Variants in SMYD3 observed in about 807,000 individuals in gnomAD.
SMYD3 encodes the protein histone-lysine N-methyltransferase SMYD3.
SMYD3 carries 36 observed loss-of-function variants against 57.7 expected under a neutral mutation model. The observed-to-expected ratio is 0.62, with a 90% CI of 0.48 to 0.82. SMYD3 has a LOEUF of 0.82. Among genes scored for constraint, SMYD3 ranks in the 40% least tolerant of loss-of-function variants. SMYD3 has a pLI of 0.00. For synonymous variants in SMYD3, 211 were observed against 195.0 expected (o/e 1.08, Z -0.68); for missense variants, 515 against 538.8 (o/e 0.96, Z 0.44).
intron 5 of SMYD3, among the ~76,000 whole-genome samples, chr1:246,197,953 T>C (rs893565218): frequency 1.3e-5 from 2 of 152,198 alleles, no homozygotes; most frequent in Non-Finnish European, 2.9e-5. Context: ...TTGTTTGCCA[T>C]TGTAATTGTG....
rs563322599 is a variant in SMYD3 at position 245,871,966 on chromosome 1, C to T, written c.814-8080G>A. ...TATGCTGTGACCCCACATCTCTGCA[C>T]ATCCCATTCCCTTTGCCGGGAAGGC... On this transcript the variant is annotated intron_variant, in intron 8 of 11. Coordinates refer to ENST00000490107, the MANE Select transcript of SMYD3 (RefSeq NM_001167740.2). 3.7e-4 allele frequency among the ~76,000 whole-genome samples: 56 copies of T among 152,296 alleles called. No homozygotes were observed. In the South Asian group the frequency reaches 0.012, roughly 32 times the overall value.
At chr1:246,506,999 C>CCCCCCCCCCCCCCCA in intron 1 of SMYD3, 55 bp downstream of exon 1, 1 of 972,790 alleles carries the variant, frequency 1.0e-6, no homozygotes, top group Non-Finnish European at 1.3e-6. Flanking sequence ...GCCCCCCCCT[C>CCCCCCCCCCCCCCCA]CCCAGCACCC....
intron 1 of SMYD3, among the ~76,000 whole-genome samples, chr1:246,461,710 G>A (rs2067800292): frequency 6.8e-6 from 1 of 146,578 alleles, no homozygotes; most frequent in Non-Finnish European, 1.5e-5. Flanking sequence ...CTCCAGCCTG[G>A]GCAACAGAAC....
In SMYD3 at chr1:246,040,146, T is replaced by C. The variant is rs76680315; in HGVS notation, c.532-110209A>G. Reference sequence around the variant, plus strand: ...ATTCACTTTTCAAATAGCTGTATTCTAACACGTGGTTTGCAATTAATATTG... The same window carrying C: ...ATTCACTTTTCAAATAGCTGTATTCCAACACGTGGTTTGCAATTAATATTG... On this transcript the variant is annotated intron_variant, in intron 5 of 11. Coordinates refer to ENST00000490107, the MANE Select transcript of SMYD3 (RefSeq NM_001167740.2). 2.7e-3 allele frequency among the ~76,000 whole-genome samples: 410 copies of C among 152,348 alleles called. 2 individuals are homozygous for C. Among genetic ancestry groups the C allele is most frequent in the African/African-American group, 9.1e-3 (379 of 41,582 alleles).
intron 5 of SMYD3, among the ~76,000 whole-genome samples, chr1:246,133,768 G>C (rs972141103): frequency 2.6e-5 from 4 of 152,080 alleles, no homozygotes; most frequent in African/African-American, 4.8e-5. Flanking sequence ...ATGCACACAC[G>C]CTCAATGAAC....
At chr1:246,293,699 C>T (rs1321121073) in intron 5 of SMYD3, among the ~76,000 whole-genome samples, 1 of 152,138 alleles carries the variant, frequency 6.6e-6, no homozygotes, top group Non-Finnish European at 1.5e-5. Flanking sequence ...CATTAATAAC[C>T]CTTTTGCCCA....
chr1:246,403,634 T>C (rs2102972605), intron 1 of SMYD3, among the ~76,000 whole-genome samples: 1 of 152,296 alleles, frequency 6.6e-6, no homozygotes, highest in Admixed American at 6.5e-5. Context: ...GGTAAGAACA[T>C]TTAACTAGGA....
chr1:245,862,560 C>T (rs747043830), intron 9 of SMYD3, among the ~76,000 whole-genome samples: 3 of 152,064 alleles, frequency 2.0e-5, no homozygotes, highest in South Asian at 2.1e-4. Flanking sequence ...TCCCCATCTA[C>T]GTCACTTTGG....
At chr1:245,878,115 G>A (rs773538074) in intron 8 of SMYD3, among the ~76,000 whole-genome samples, 1 of 152,166 alleles carries the variant, frequency 6.6e-6, no homozygotes, top group African/African-American at 2.4e-5. Context: ...GGGGCTCACC[G>A]ATGACATCAG....
At chr1:245,920,975 G>C (rs1277446372) in intron 7 of SMYD3, among the ~76,000 whole-genome samples, 1 of 152,148 alleles carries the variant, frequency 6.6e-6, no homozygotes, top group Non-Finnish European at 1.5e-5. Context: ...CACAGCAAGA[G>C]AAACTATCAA....
At chr1:246,264,403 A>G (rs772717905) in intron 5 of SMYD3, among the ~76,000 whole-genome samples, 13 of 152,332 alleles carry the variant, frequency 8.5e-5, no homozygotes, top group Non-Finnish European at 1.9e-4. Context: ...TAATCCCAGC[A>G]TTTTGGGAAG....
chr1:246,056,797 G>C lies in SMYD3; in HGVS notation c.532-126860C>G, dbSNP rs1029966566. Among the ~76,000 whole-genome samples, 3 of 152,050 alleles carry C rather than the reference G, an allele frequency of 2.0e-5. No individual in the cohort carries two copies. The South Asian group carries it at 6.2e-4, about 32-fold the overall frequency. On this transcript the variant is annotated intron_variant, in intron 5 of 11. Transcript: ENST00000490107. ...GAAAAAAAAAGGACATAAAATGTGT[G>C]GAAAATAGGTACTTCTGTTCACATT...
chr1:245,993,842 G>A (rs28468565), intron 5 of SMYD3, among the ~76,000 whole-genome samples: 76,900 of 151,982 alleles, frequency 0.51, 23,287 homozygotes, highest in Middle Eastern at 0.7. Flanking sequence ...TCACAACAGT[G>A]GGAATGTATT....
intron 5 of SMYD3, among the ~76,000 whole-genome samples, chr1:246,282,818 C>CAAAATCTAACTAG (rs2064483322): frequency 1.3e-5 from 2 of 152,134 alleles, no homozygotes; most frequent in African/African-American, 4.8e-5. Context: ...GAACAGTCAA[C>CAAAATCTAACTAG]AAAATCTAAC....
intron 5 of SMYD3, among the ~76,000 whole-genome samples, chr1:246,033,996 AATC>A (rs1205770441): frequency 6.6e-6 from 1 of 152,196 alleles, no homozygotes; most frequent in East Asian, 1.9e-4. Flanking sequence ...AAATTAAAAT[AATC>A]ATATTTCAGA....
At chr1:246,201,943 G>A (rs1187249603) in intron 5 of SMYD3, among the ~76,000 whole-genome samples, 1 of 151,638 alleles carries the variant, frequency 6.6e-6, no homozygotes, top group African/African-American at 2.4e-5. Context: ...CACCCGGGAG[G>A]TGGAGGTTGC....
chr1:246,496,611 T>G (rs1305007766), intron 1 of SMYD3, among the ~76,000 whole-genome samples: 1 of 152,092 alleles, frequency 6.6e-6, no homozygotes, highest in Non-Finnish European at 1.5e-5. Context: ...GTGAATTGCT[T>G]GAGCCCAGGA....
In SMYD3 at chr1:245,793,202, G is replaced by A. The variant is rs139484504; in HGVS notation, c.1077-29053C>T. On this transcript the variant is annotated intron_variant, in intron 10 of 11. Coordinates refer to ENST00000490107, the MANE Select transcript of SMYD3 (RefSeq NM_001167740.2). ...CGGGTGCCTGTAGTCCCAGCTACTC[G>A]GGAGGCTGAGGCAGGAGAATCGCTT... Among the ~76,000 whole-genome samples, 879 of 151,630 alleles carry A rather than the reference G, an allele frequency of 5.8e-3. 9 individuals carry two copies. Among genetic ancestry groups the A allele is most frequent in the African/African-American group, 0.02 (836 of 41,270 alleles).
intron 5 of SMYD3, among the ~76,000 whole-genome samples, chr1:246,007,273 T>C (rs1017647100): frequency 2.0e-5 from 3 of 152,126 alleles, no homozygotes; most frequent in Non-Finnish European, 4.4e-5. Context: ...GAGGTTTCTA[T>C]TCAAGAGGAA....
Sources: gnomAD v4.1 joint callset for allele counts (sites outside exome capture counted in the v4.1 genomes callset) on GRCh38, gnomAD v4.1.1 for gene constraint, MANE v1.5 for transcripts, NCBI Gene and HGNC (gene_info 2026-07-23, HGNC 2026-07-21) for gene names.